PTPRT: variants seen among roughly 807,000 people sequenced by gnomAD.
PTPRT encodes protein tyrosine phosphatase receptor type T.
A neutral mutation model predicts 176.8 loss-of-function variants in PTPRT; 56 were observed. The observed-to-expected ratio is 0.32, with a 90% CI of 0.26 to 0.40. PTPRT has a LOEUF of 0.40. PTPRT is among the 10% of genes least tolerant of loss of function. The pLI is 1.00. For missense variants in PTPRT, 1,540 were observed against 1,908.2 expected (o/e 0.81, Z 3.60); for synonymous variants, 783 against 739.0 (o/e 1.06, Z -0.96).
At chr20:43,081,100 C>T (rs1258676781) in intron 1 of PTPRT, among the ~76,000 whole-genome samples, 2 of 152,332 alleles carry the variant, frequency 1.3e-5, no homozygotes, top group Middle Eastern at 3.4e-3. Flanking sequence ...TTCTTTGGTA[C>T]TATCCTCATT....
chr20:42,198,169 C>T (rs1278671385), intron 16 of PTPRT, among the ~76,000 whole-genome samples: 1 of 152,204 alleles, frequency 6.6e-6, no homozygotes, highest in African/African-American at 2.4e-5. Context: ...CCATTAAAAA[C>T]AAGCTGTGTG....
chr20:42,265,873 C>T (rs73254757), intron 13 of PTPRT, among the ~76,000 whole-genome samples: 2,139 of 152,278 alleles, frequency 0.014, 44 homozygotes, highest in African/African-American at 0.05. Context: ...AGTAAAGCTG[C>T]CCCTGGGAAA....
chr20:42,262,172 T>G (rs1360147576), intron 13 of PTPRT, among the ~76,000 whole-genome samples: 3 of 152,198 alleles, frequency 2.0e-5, no homozygotes, highest in Non-Finnish European at 4.4e-5. Context: ...CCCTTTGCTT[T>G]TGAAAGCAGA....
rs371841708 is a variant in PTPRT, at chr20:42,343,720, G to C, written c.1865+6908C>G. On this transcript the variant is annotated intron_variant, in intron 11 of 30. Coordinates refer to ENST00000373187, the MANE Select transcript of PTPRT (RefSeq NM_007050.6). The stretch of plus-strand genomic sequence containing the variant: ...AGATCACCCCTGGAGATGAGTGTAG[G>C]TTTCCTGATGTGCCCTACACTGGCC... Among the ~76,000 whole-genome samples, 12 of 152,228 alleles carry C rather than the reference G, an allele frequency of 7.9e-5. No individual in the cohort carries two copies. The East Asian group carries it at 1.4e-3, about 17-fold the overall frequency.
At chr20:42,226,262 A>G (rs1242487931) in intron 15 of PTPRT, among the ~76,000 whole-genome samples, 1 of 152,222 alleles carries the variant, frequency 6.6e-6, no homozygotes, top group African/African-American at 2.4e-5. Context: ...TGTCATTTAA[A>G]CATCAGAGCT....
intron 1 of PTPRT, among the ~76,000 whole-genome samples, chr20:43,145,837 A>C (rs1169524708): frequency 6.6e-6 from 1 of 152,236 alleles, no homozygotes; most frequent in African/African-American, 2.4e-5. Flanking sequence ...GAAATACTTA[A>C]AATAAATAGC....
At chr20:43,145,622 G>A (rs943550299) in intron 1 of PTPRT, among the ~76,000 whole-genome samples, 14 of 152,184 alleles carry the variant, frequency 9.2e-5, no homozygotes, top group Non-Finnish European at 1.5e-4. Context: ...AAGAGAATGT[G>A]AACACTTTCA....
chr20:42,421,266 ACACACACACACGCATG>A (rs1442524816), intron 9 of PTPRT, among the ~76,000 whole-genome samples: 2 of 104,352 alleles, frequency 1.9e-5, no homozygotes, highest in East Asian at 5.2e-4. Flanking sequence ...GCACGCACGC[ACACACACACACGCATG>A]CACACACACA....
chr20:43,007,218 C>G (rs1190476086), intron 1 of PTPRT, among the ~76,000 whole-genome samples: 1 of 152,184 alleles, frequency 6.6e-6, no homozygotes, highest in African/African-American at 2.4e-5. Flanking sequence ...CTATGCAGCT[C>G]TCTCCTTTGA....
chr20:42,514,832 T>C (rs1442527612), intron 7 of PTPRT, among the ~76,000 whole-genome samples: 1 of 152,218 alleles, frequency 6.6e-6, no homozygotes, highest in Non-Finnish European at 1.5e-5. Flanking sequence ...GTCATAACAA[T>C]TTACAAAACC....
intron 1 of PTPRT, among the ~76,000 whole-genome samples, chr20:42,903,509 G>T (rs547129154): frequency 1.3e-4 from 20 of 152,200 alleles, no homozygotes; most frequent in East Asian, 5.8e-4. Context: ...AGCATCCGGC[G>T]TTCTATAAAT....
intron 7 of PTPRT, among the ~76,000 whole-genome samples, chr20:42,614,947 TA>T (rs201612821): frequency 0.16 from 22,761 of 143,098 alleles, 2,065 homozygotes; most frequent in African/African-American, 0.26. Context: ...ATTTTTTTTT[TA>T]ATTATACTTT....
chr20:42,437,662 A>G (rs1204511596), intron 9 of PTPRT, among the ~76,000 whole-genome samples: 1 of 152,116 alleles, frequency 6.6e-6, no homozygotes, highest in African/African-American at 2.4e-5. Flanking sequence ...CTTGGTAAAG[A>G]GTAAGAAAAA....
chr20:42,943,903 C>T (rs1980721782), intron 1 of PTPRT, among the ~76,000 whole-genome samples: 1 of 152,100 alleles, frequency 6.6e-6, no homozygotes. Flanking sequence ...CCTGCAGTCC[C>T]AGCTACTTAG....
intron 7 of PTPRT, among the ~76,000 whole-genome samples, chr20:42,631,805 C>A (rs1435457837): frequency 6.6e-6 from 1 of 152,114 alleles, no homozygotes; most frequent in African/African-American, 2.4e-5. Flanking sequence ...GCAAGGTTAA[C>A]CCAGTGGACT....
chr20:42,979,096 A>C (rs944053987), intron 1 of PTPRT, among the ~76,000 whole-genome samples: 5 of 152,188 alleles, frequency 3.3e-5, no homozygotes, highest in Non-Finnish European at 5.9e-5. Context: ...TGTCAACGTA[A>C]ATCGAGAAAA....
At chr20:42,598,159 G>C (rs2073708341) in intron 7 of PTPRT, among the ~76,000 whole-genome samples, 1 of 151,718 alleles carries the variant, frequency 6.6e-6, no homozygotes, top group Non-Finnish European at 1.5e-5. Context: ...GTGATCAAAA[G>C]GTATTTAAGT....
chr20:43,036,043 G>A (rs895476047), intron 1 of PTPRT, among the ~76,000 whole-genome samples: 4 of 152,114 alleles, frequency 2.6e-5, no homozygotes, highest in Admixed American at 6.5e-5. Flanking sequence ...CATCAGTGAG[G>A]GGCCCAAATC....
chr20:42,954,512 G>T (rs190627533), intron 1 of PTPRT, among the ~76,000 whole-genome samples: 1 of 152,218 alleles, frequency 6.6e-6, no homozygotes, highest in East Asian at 1.9e-4. Context: ...AGACAGCTCT[G>T]CCAGCCTACA....
Sources: gnomAD v4.1 joint callset for allele counts (sites outside exome capture counted in the v4.1 genomes callset) on GRCh38, gnomAD v4.1.1 for gene constraint, MANE v1.5 for transcripts, NCBI Gene and HGNC (gene_info 2026-07-23, HGNC 2026-07-21) for gene names.